Variants in ARHGAP10 observed in about 807,000 individuals in gnomAD.
ARHGAP10 encodes the protein rho GTPase-activating protein 10.
A neutral mutation model predicts 108.6 loss-of-function variants in ARHGAP10; 87 were observed. The ratio of observed to expected loss-of-function variants is 0.80; its 90% CI spans 0.67 to 0.96. ARHGAP10 has a LOEUF of 0.96. Among genes scored for constraint, ARHGAP10 ranks in the 40% least tolerant of loss-of-function variants. The pLI, the probability that ARHGAP10 is intolerant of heterozygous loss-of-function variation, is 0.00. For synonymous variants in ARHGAP10, 347 were observed against 341.1 expected, an observed-to-expected ratio of 1.02 and a Z score of -0.19; for missense variants, 939 against 954.5, an observed-to-expected ratio of 0.98 and a Z score of 0.21.
intron 1 of ARHGAP10, 25 bp downstream of exon 1, chr4:147,732,480 G>A (rs1434242810): frequency 9.3e-6 from 15 of 1,606,848 alleles, no homozygotes; most frequent in Non-Finnish European, 1.3e-5. Flanking sequence ...GGGCGCGGAC[G>A]GGCTGCGGCG....
intron 3 of ARHGAP10, among the ~76,000 whole-genome samples, chr4:147,827,954 C>T (rs1018879566): frequency 7.2e-5 from 11 of 152,110 alleles, no homozygotes; most frequent in African/African-American, 1.4e-4. Context: ...TACAGGTGTG[C>T]GCCACCACGC....
intron 3 of ARHGAP10, among the ~76,000 whole-genome samples, chr4:147,842,908 A>G (rs1345774985): frequency 2.6e-5 from 4 of 152,084 alleles, no homozygotes; most frequent in Non-Finnish European, 5.9e-5. Flanking sequence ...CTCCTCACCT[A>G]TCTCAAAAGG....
chr4:147,865,965 G>A (rs910492487), intron 6 of ARHGAP10: 1 of 152,220 alleles, frequency 6.6e-6, no homozygotes, highest in Non-Finnish European at 1.5e-5. Context: ...GAGGAGATAA[G>A]GAAATAGAAG....
chr4:147,774,905 T>C (rs1560750657), intron 1 of ARHGAP10, among the ~76,000 whole-genome samples: 1 of 149,878 alleles, frequency 6.7e-6, no homozygotes. Context: ...TCCTCCTTGA[T>C]GTATTTTTTT....
rs139562390 is a variant in ARHGAP10, at chr4:147,944,781, A to G, written c.1304-1836A>G. On this transcript the variant is annotated intron_variant, in intron 14 of 22. Coordinates refer to ENST00000336498, the MANE Select transcript of ARHGAP10 (RefSeq NM_024605.4). ...ATGAACCTCTTACTTTCTCCTTTGC[A>G]TAGTAGGTGTGTAGAAAACCAGGCA... 3.1e-3 allele frequency among the ~76,000 whole-genome samples: 472 copies of G among 152,176 alleles called. 3 individuals are homozygous for G. Among genetic ancestry groups the G allele is most frequent in the Non-Finnish European group, 4.4e-3 (301 of 68,022 alleles).
chr4:148,038,005 G>A (rs1464165725), intron 19 of ARHGAP10, among the ~76,000 whole-genome samples: 1 of 151,990 alleles, frequency 6.6e-6, no homozygotes, highest in African/African-American at 2.4e-5. Flanking sequence ...TTAAGAATTA[G>A]GTTTTATTTA....
intron 16 of ARHGAP10, among the ~76,000 whole-genome samples, chr4:147,956,415 A>G (rs1202537164): frequency 2.6e-5 from 4 of 152,254 alleles, no homozygotes; most frequent in South Asian, 2.1e-4. Context: ...TAGACTCTAC[A>G]TATAAAAGAG....
chr4:147,897,594 G>T (rs1179029719), intron 10 of ARHGAP10, among the ~76,000 whole-genome samples: 1 of 151,944 alleles, frequency 6.6e-6, no homozygotes, highest in African/African-American at 2.4e-5. Flanking sequence ...CATAATATCT[G>T]CCTTCTCAAA....
chr4:147,788,640 C>T (rs117052579), intron 1 of ARHGAP10, among the ~76,000 whole-genome samples: 12 of 152,152 alleles, frequency 7.9e-5, no homozygotes, highest in East Asian at 5.8e-4. Context: ...TACACATTTG[C>T]GGTATTTGGT....
chr4:147,914,899 C>A (rs1351119599), intron 13 of ARHGAP10, among the ~76,000 whole-genome samples: 1 of 152,068 alleles, frequency 6.6e-6, no homozygotes, highest in African/African-American at 2.4e-5. Flanking sequence ...TGCAGCCATT[C>A]CAGCAGACTT....
At chr4:147,775,947 C>A (rs1730271730) in intron 1 of ARHGAP10, among the ~76,000 whole-genome samples, 1 of 152,116 alleles carries the variant, frequency 6.6e-6, no homozygotes. Context: ...GAAACTGAGG[C>A]ATAGAAAAGT....
chr4:147,823,920 A>G (rs1032966231), intron 3 of ARHGAP10, among the ~76,000 whole-genome samples: 2 of 152,216 alleles, frequency 1.3e-5, no homozygotes, highest in South Asian at 2.1e-4. Context: ...AAAAGCTTAC[A>G]TTACCTTCCT....
At chr4:147,942,831 G>C (rs1738210874) in intron 14 of ARHGAP10, among the ~76,000 whole-genome samples, 1 of 152,246 alleles carries the variant, frequency 6.6e-6, no homozygotes, top group East Asian at 1.9e-4. Flanking sequence ...CTATCCGCTG[G>C]ATTTCCAGCA....
At chr4:148,036,183 G>A (rs1244154095) in intron 19 of ARHGAP10, among the ~76,000 whole-genome samples, 1 of 151,916 alleles carries the variant, frequency 6.6e-6, no homozygotes, top group African/African-American at 2.4e-5. Flanking sequence ...TAGAGGATGA[G>A]AATAAATACC....
chr4:147,892,086 A>C (rs767892264), intron 10 of ARHGAP10, among the ~76,000 whole-genome samples: 59 of 152,236 alleles, frequency 3.9e-4, no homozygotes, highest in Middle Eastern at 3.4e-3. Flanking sequence ...CGAATATTAT[A>C]TTTGGTTTCA....
intron 3 of ARHGAP10, among the ~76,000 whole-genome samples, chr4:147,843,131 A>G (rs918330262): frequency 5.3e-5 from 8 of 152,072 alleles, no homozygotes; most frequent in African/African-American, 9.7e-5. Context: ...TTCTCCTTCT[A>G]TCACAGGGAA....
intron 13 of ARHGAP10, among the ~76,000 whole-genome samples, chr4:147,917,567 G>C (rs1166878868): frequency 1.3e-5 from 2 of 152,052 alleles, no homozygotes; most frequent in African/African-American, 4.8e-5. Flanking sequence ...CCATAAGTTA[G>C]TTTTTTTCTG....
chr4:148,030,000 C>CCA (rs1553973232), intron 19 of ARHGAP10, among the ~76,000 whole-genome samples: 1 of 151,392 alleles, frequency 6.6e-6, no homozygotes. Context: ...AGCATCCCCC[C>CCA]CCCCACCAAC....
chr4:147,863,793 A>G (rs968550244), intron 5 of ARHGAP10: 1 of 152,190 alleles, frequency 6.6e-6, no homozygotes, highest in Non-Finnish European at 1.5e-5. Flanking sequence ...GTAACACGTT[A>G]TGTTTCAATA....
Sources: allele counts gnomAD v4.1 joint callset (sites outside exome capture counted in the v4.1 genomes callset), GRCh38; gene constraint gnomAD v4.1.1; transcripts MANE v1.5; gene names NCBI Gene and HGNC (gene_info 2026-07-23, HGNC 2026-07-21).